Variants in DISC1 observed in about 807,000 individuals in gnomAD.
DISC1 encodes the protein disrupted in schizophrenia 1 protein.
Under a neutral mutation model 84.5 loss-of-function variants are expected in DISC1, and 57 were observed. The ratio of observed to expected loss-of-function variants is 0.67; its 90% CI spans 0.55 to 0.84. DISC1 has a LOEUF of 0.84. Ranked by LOEUF, DISC1 falls within the 40% of genes least tolerant of loss-of-function variation. DISC1 has a pLI of 0.00. For synonymous variants in DISC1, 411 were observed against 415.2 expected (o/e 0.99, Z 0.12); for missense variants, 1,000 against 1,057.8 (o/e 0.95, Z 0.76).
intron 4 of DISC1, chr1:231,750,735 C>T (rs990608140): frequency 3.9e-5 from 10 of 255,870 alleles, no homozygotes; most frequent in Non-Finnish European, 4.9e-5. Context: ...AGGCTGAGAA[C>T]CACTGCTCCA....
intron 3 of DISC1, among the ~76,000 whole-genome samples, chr1:231,712,033 C>T (rs934862220): frequency 2.0e-5 from 3 of 152,164 alleles, no homozygotes; most frequent in Non-Finnish European, 2.9e-5. Flanking sequence ...GTCTGAGAGA[C>T]GCAGTGGGAG....
In DISC1 at chr1:231,769,463, A is replaced by G. The variant is rs149426706; in HGVS notation, c.1399-1372A>G. Among the ~76,000 whole-genome samples, 4 of 152,378 alleles carry G rather than the reference A, an allele frequency of 2.6e-5. No individual in the cohort carries two copies. The East Asian group carries it at 7.7e-4, about 29-fold the overall frequency. On this transcript the variant is annotated intron_variant, in intron 5 of 12. Transcript: ENST00000439617. Reference sequence around the variant, plus strand: ...AGGAAATTCTGACACACGCTACAGCATGGTTGAACCTTGAGGACATTATGC... The same window carrying G: ...AGGAAATTCTGACACACGCTACAGCGTGGTTGAACCTTGAGGACATTATGC...
chr1:231,983,421 C>G (rs992066259), intron 10 of DISC1, among the ~76,000 whole-genome samples: 1 of 149,188 alleles, frequency 6.7e-6, no homozygotes, highest in South Asian at 2.2e-4. Flanking sequence ...GGAAACAACG[C>G]GTGCTTCAGA....
intron 10 of DISC1, among the ~76,000 whole-genome samples, chr1:231,963,990 A>C (rs1660750098): frequency 6.6e-6 from 1 of 152,196 alleles, no homozygotes; most frequent in Non-Finnish European, 1.5e-5. Flanking sequence ...CGATTAGGTC[A>C]GGGGTCGATC....
chr1:231,973,584 TCATCAACAACAA>T (rs951698306), intron 10 of DISC1, among the ~76,000 whole-genome samples: 9 of 152,334 alleles, frequency 5.9e-5, no homozygotes, highest in African/African-American at 2.2e-4. Context: ...TTGATAAACA[TCATCAACAACAA>T]CCCACCGAAG....
At chr1:231,959,383 G>A (rs897925592) in intron 10 of DISC1, 6 of 985,742 alleles carry the variant, frequency 6.1e-6, no homozygotes, top group Non-Finnish European at 7.2e-6. Flanking sequence ...AGAAATGTCA[G>A]GGATGCTGCA....
rs74144176 is a variant in DISC1, at chr1:231,889,582, C to T, written c.1982-69246C>T. Among the ~76,000 whole-genome samples, 1,002 of 152,250 alleles carry T rather than the reference C, an allele frequency of 6.6e-3. 15 individuals are homozygous for T. Among genetic ancestry groups the T allele is most frequent in the African/African-American group, 0.023 (944 of 41,548 alleles). The stretch of plus-strand genomic sequence containing the variant: ...TTCTGGACTCTTTAGGAGCACCCTT[C>T]CCAGTTTTACAGTTGAGGGACTGGA... On this transcript the variant is annotated intron_variant, in intron 9 of 12. Transcript: ENST00000439617.
intron 9 of DISC1, among the ~76,000 whole-genome samples, chr1:231,886,033 G>A (rs2086654843): frequency 6.6e-6 from 1 of 152,202 alleles, no homozygotes; most frequent in Non-Finnish European, 1.5e-5. Flanking sequence ...GGCAGAAGGT[G>A]GAAAGGCAGA....
At chr1:231,798,632 G>T (rs2078956400) in intron 7 of DISC1, among the ~76,000 whole-genome samples, 1 of 152,152 alleles carries the variant, frequency 6.6e-6, no homozygotes, top group African/African-American at 2.4e-5. Flanking sequence ...GGTGCTGGGG[G>T]AAGGGATATC....
intron 9 of DISC1, among the ~76,000 whole-genome samples, chr1:231,872,117 C>G (rs931839835): frequency 3.6e-4 from 55 of 152,298 alleles, no homozygotes; most frequent in African/African-American, 1.3e-3. Context: ...CTGATGCATG[C>G]AAGGCGTGGG....
At chr1:231,977,643 T>A (rs551187198) in intron 10 of DISC1, among the ~76,000 whole-genome samples, 1 of 152,352 alleles carries the variant, frequency 6.6e-6, no homozygotes, top group African/African-American at 2.4e-5. Flanking sequence ...TAAGATAAAA[T>A]TCATAGGTTC....
intron 11 of DISC1, among the ~76,000 whole-genome samples, chr1:232,017,257 G>T (rs971822230): frequency 1.3e-5 from 2 of 152,152 alleles, no homozygotes; most frequent in African/African-American, 2.4e-5. Flanking sequence ...ATGGATGGGG[G>T]TAATCACATC....
intron 12 of DISC1, among the ~76,000 whole-genome samples, 193 bp downstream of exon 12, chr1:232,026,745 T>C (rs959908661): frequency 3.4e-5 from 5 of 148,416 alleles, no homozygotes; most frequent in African/African-American, 1.3e-4. Context: ...AGCAATTCAG[T>C]ATTTTTTTTC....
At chr1:231,640,945 C>T (rs1265745695) in intron 1 of DISC1, among the ~76,000 whole-genome samples, 1 of 152,198 alleles carries the variant, frequency 6.6e-6, no homozygotes, top group Non-Finnish European at 1.5e-5. Context: ...TTGGATGAAT[C>T]CTGTGATGCC....
Position 231,749,910 on chromosome 1 carries a change from C to A in DISC1, c.1118-16C>A, listed in dbSNP as rs747907449. ...ATGGTTCTTTTTTCCTCTCTCTCAT[C>A]ATTTTGGGTTTCCAGCTGAGACGTT... On this transcript the variant is annotated splice_polypyrimidine_tract_variant and intron_variant, in intron 3 of 12. Transcript: ENST00000439617. The A allele has an allele frequency of 1.2e-6, 2 of 1,614,136 alleles. No individual in the cohort carries two copies. The highest frequency in any genetic ancestry group is 1.1e-5 in the South Asian group (1 of 91,076).
chr1:231,682,612 A>G lies in DISC1; in HGVS notation c.68-11214A>G, dbSNP rs115634619. On this transcript the variant is annotated intron_variant, in intron 1 of 12. Coordinates refer to ENST00000439617, the MANE Select transcript of DISC1 (RefSeq NM_018662.3). Reference sequence around the variant, plus strand: ...GCAGAGCTGAATTTCATCTTCTGCTATTAAGTCCAGGTCCATAAACTGTGT... The same window carrying G: ...GCAGAGCTGAATTTCATCTTCTGCTGTTAAGTCCAGGTCCATAAACTGTGT... Among the ~76,000 whole-genome samples, 1,424 of 152,342 alleles carry G rather than the reference A, an allele frequency of 9.3e-3. 25 individuals carry two copies. The highest frequency in any genetic ancestry group is 0.032 in the African/African-American group (1,321 of 41,580).
chr1:231,806,563 A>T (rs139611952), intron 8 of DISC1, among the ~76,000 whole-genome samples: 42 of 152,298 alleles, frequency 2.8e-4, no homozygotes, highest in Admixed American at 1.8e-3. Flanking sequence ...CAAGGAGAAG[A>T]CAGTCTTCCA....
intron 11 of DISC1, among the ~76,000 whole-genome samples, chr1:232,016,644 A>G (rs908837735): frequency 6.6e-6 from 1 of 152,232 alleles, no homozygotes; most frequent in Non-Finnish European, 1.5e-5. Flanking sequence ...GCCAATTAAC[A>G]TATGCCAATT....
In DISC1 at chr1:231,954,957, T is replaced by C. The variant is rs755659692; in HGVS notation, c.1982-3871T>C. 3.9e-5 allele frequency among the ~76,000 whole-genome samples: 6 copies of C among 152,198 alleles called. No individual in the cohort carries two copies. Among genetic ancestry groups the C allele is most frequent in the Non-Finnish European group, 8.8e-5 (6 of 68,030 alleles). On this transcript the variant is annotated intron_variant, in intron 9 of 12. Coordinates refer to ENST00000439617, the MANE Select transcript of DISC1 (RefSeq NM_018662.3). This position sits in a 1 kb window ranked among gnomAD's most constrained non-coding sequence, Gnocchi z 4.8. ...GCCTCCAGGCAAGAAGAAAAGCCCA[T>C]GGCTTTGCCTGGAAGTTCTTGTGCA... is the stretch of plus-strand genomic sequence containing the variant.
Sources: gnomAD v4.1 joint callset for allele counts (sites outside exome capture counted in the v4.1 genomes callset) on GRCh38, gnomAD v4.1.1 for gene constraint, Gnocchi (gnomAD v3.1) non-coding constraint, MANE v1.5 for transcripts, NCBI Gene and HGNC (gene_info 2026-07-23, HGNC 2026-07-21) for gene names.